The following ILDR1 variants were observed in gnomAD, a reference collection of about 807,000 sequenced individuals.
ILDR1 encodes immunoglobulin-like domain-containing receptor 1.
Under a neutral mutation model 62.4 loss-of-function variants are expected in ILDR1, and 56 were observed. The ratio of observed to expected loss-of-function variants is 0.90; its 90% CI spans 0.72 to 1.12. The LOEUF is 1.12. Ranked by LOEUF, ILDR1 falls within the 50% of genes most tolerant of loss-of-function variation. ILDR1 has a pLI of 0.00. For missense variants in ILDR1, 736 were observed against 710.6 expected, an observed-to-expected ratio of 1.04 and a Z score of -0.41; for synonymous variants, 284 against 277.8, an observed-to-expected ratio of 1.02 and a Z score of -0.22.
chr3:122,037,795 C>T, the ILDR1 span, among the ~76,000 whole-genome samples: 3 of 152,138 alleles, frequency 2.0e-5, no homozygotes, highest in African/African-American at 7.2e-5. Context: ...ACCCAAATCT[C>T]ATGTTGAATT....
At chr3:122,007,251 G>T (rs2071628703) in intron 1 of ILDR1, 90 bp from the exon 2 acceptor site, 1 of 1,584,986 alleles carries the variant, frequency 6.3e-7, no homozygotes, top group Non-Finnish European at 8.6e-7. Context: ...GATATTGCCT[G>T]CCATCCTGCC....
At chr3:122,001,552 G>T in intron 4 of ILDR1, 98 bp from the exon 5 acceptor site, 1 of 1,508,670 alleles carries the variant, frequency 6.6e-7, no homozygotes, top group South Asian at 1.1e-5. Flanking sequence ...CACAGCTCTT[G>T]ACCTACAGGT....
chr3:122,055,085 T>C, the ILDR1 span, among the ~76,000 whole-genome samples: 567 of 152,324 alleles, frequency 3.7e-3, 4 homozygotes, highest in African/African-American at 0.013. Flanking sequence ...CTCTTTATTC[T>C]ATTTTGTTGC....
the ILDR1 span, among the ~76,000 whole-genome samples, chr3:122,042,111 C>A: frequency 9.6e-6 from 1 of 104,320 alleles, no homozygotes; most frequent in Non-Finnish European, 1.9e-5. Context: ...ATTCCCCTTC[C>A]TGTGTCCATG....
At chr3:122,000,239 A>G (rs1463558580) in intron 5 of ILDR1, among the ~76,000 whole-genome samples, 3 of 151,830 alleles carry the variant, frequency 2.0e-5, no homozygotes, top group Non-Finnish European at 4.4e-5. Context: ...GCAGCCAAAA[A>G]TTAAGTTAAG....
At chr3:122,027,510 C>A in the ILDR1 span, among the ~76,000 whole-genome samples, 1 of 151,914 alleles carries the variant, frequency 6.6e-6, no homozygotes, top group Non-Finnish European at 1.5e-5. Flanking sequence ...TTTTTAAAGA[C>A]CTAAATAAAT....
At chr3:122,022,819 C>A (rs2071881712), upstream of ILDR1, among the ~76,000 whole-genome samples, 2 of 151,934 alleles carry the variant, frequency 1.3e-5, no homozygotes, top group Admixed American at 1.3e-4. Flanking sequence ...ACGCTGAGGC[C>A]CGAGAGTTAC....
chr3:122,015,516 T>C (rs2071764570), intron 1 of ILDR1, among the ~76,000 whole-genome samples: 2 of 152,162 alleles, frequency 1.3e-5, no homozygotes, highest in Admixed American at 1.3e-4. Context: ...GGTTTCCCCA[T>C]TCTATTTTCA....
At chr3:122,046,630 T>C in the ILDR1 span, among the ~76,000 whole-genome samples, 2 of 151,340 alleles carry the variant, frequency 1.3e-5, no homozygotes, top group South Asian at 2.1e-4. Flanking sequence ...TTTTATTCTT[T>C]TTTCTCTAAA....
the ILDR1 span, among the ~76,000 whole-genome samples, chr3:122,040,537 A>G: frequency 6.6e-6 from 1 of 151,980 alleles, no homozygotes; most frequent in Non-Finnish European, 1.5e-5. Flanking sequence ...TTCAAGACTT[A>G]TTATAAAGCT....
At chr3:122,055,099 G>A in the ILDR1 span, among the ~76,000 whole-genome samples, 4 of 152,014 alleles carry the variant, frequency 2.6e-5, no homozygotes, top group Non-Finnish European at 4.4e-5. Context: ...TTGTTGCTGC[G>A]GAGGTTTGTT....
intron 5 of ILDR1, among the ~76,000 whole-genome samples, chr3:121,996,752 T>C (rs1272642233): frequency 1.3e-5 from 2 of 152,204 alleles, no homozygotes; most frequent in African/African-American, 2.4e-5. Context: ...AAATTTGTAT[T>C]TTCAACAAGC....
chr3:122,058,324 G>A, the ILDR1 span, among the ~76,000 whole-genome samples: 3 of 152,136 alleles, frequency 2.0e-5, no homozygotes, highest in Non-Finnish European at 2.9e-5. Flanking sequence ...CAGTACCCAG[G>A]ACAAGGCCAG....
the ILDR1 span, among the ~76,000 whole-genome samples, chr3:122,058,138 T>G: frequency 6.8e-3 from 1,032 of 152,276 alleles, 11 homozygotes; most frequent in African/African-American, 0.022. Context: ...ACTATTACTG[T>G]TTGGATTAAG....
At chr3:122,001,564 A>G in intron 4 of ILDR1, 110 bp from the exon 5 acceptor site, 1 of 1,486,134 alleles carries the variant, frequency 6.7e-7, no homozygotes. Context: ...CCTACAGGTT[A>G]AAGTTGAGCA....
chr3:121,999,742 T>C (rs2071489460), intron 5 of ILDR1, among the ~76,000 whole-genome samples: 1 of 152,136 alleles, frequency 6.6e-6, no homozygotes. Flanking sequence ...GGAAGCTAAG[T>C]TCATGGCCAT....
chr3:122,027,411 A>G, the ILDR1 span, among the ~76,000 whole-genome samples: 2 of 152,200 alleles, frequency 1.3e-5, no homozygotes, highest in East Asian at 3.9e-4. Flanking sequence ...GCTTGTCTTG[A>G]ACTCCTGACC....
the ILDR1 span, among the ~76,000 whole-genome samples, chr3:122,037,475 C>A: frequency 1.3e-5 from 2 of 152,206 alleles, no homozygotes; most frequent in East Asian, 3.9e-4. Flanking sequence ...GGGTTTCAGA[C>A]TTTCATGGGG....
chr3:122,052,332 A>G, the ILDR1 span, among the ~76,000 whole-genome samples: 1 of 152,174 alleles, frequency 6.6e-6, no homozygotes, highest in African/African-American at 2.4e-5. Context: ...CCCAAAAAGC[A>G]GGAATATTGG....
Sources: allele counts gnomAD v4.1 joint callset (sites outside exome capture counted in the v4.1 genomes callset), GRCh38; gene constraint gnomAD v4.1.1; transcripts MANE v1.5; gene names NCBI Gene and HGNC (gene_info 2026-07-23, HGNC 2026-07-21).